THRAP3: variants seen among roughly 807,000 people sequenced by gnomAD.
THRAP3 encodes thyroid hormone receptor associated protein 3.
A neutral mutation model predicts 101.0 loss-of-function variants in THRAP3; 16 were observed. The observed-to-expected ratio is 0.16, with a 90% CI of 0.11 to 0.24. The LOEUF (loss-of-function observed/expected upper bound fraction) is 0.24, where lower values mean the gene tolerates loss of function less well. Among genes scored for constraint, THRAP3 ranks in the 10% least tolerant of loss-of-function variants. The pLI, the probability that THRAP3 is intolerant of heterozygous loss-of-function variation, is 1.00. For missense variants in THRAP3, 989 were observed against 1,202.7 expected, an observed-to-expected ratio of 0.82 and a Z score of 2.63; for synonymous variants, 407 against 422.6, an observed-to-expected ratio of 0.96 and a Z score of 0.45.
At chr1:36,282,233 CT>C (rs1645741484) in intron 2 of THRAP3, among the ~76,000 whole-genome samples, 1 of 113,816 alleles carries the variant, frequency 8.8e-6, no homozygotes, top group Non-Finnish European at 2.2e-5. Flanking sequence ...GCCACTTTCT[CT>C]CTTTTTTTTT....
At chr1:36,275,982 G>T (rs1165219348) in intron 2 of THRAP3, among the ~76,000 whole-genome samples, 1 of 152,136 alleles carries the variant, frequency 6.6e-6, no homozygotes, top group Non-Finnish European at 1.5e-5. Flanking sequence ...TTGCACTACT[G>T]CATTCCAACC....
intron 1 of THRAP3, among the ~76,000 whole-genome samples, chr1:36,253,347 G>C (rs1358028055): frequency 6.6e-6 from 1 of 152,118 alleles, no homozygotes; most frequent in Non-Finnish European, 1.5e-5. Flanking sequence ...CAGTTAGACA[G>C]ATTTTGAAAT....
rs1448829259 is a variant in THRAP3, at chr1:36,274,556, GAGAC to G, written c.-31-7970_-31-7967del. ...TAAGACTGTGGTGTTGACATAAGGA[GAGAC>G]AGACAGGTCAGTAGAATAAAATTGA... On this transcript the variant is annotated intron_variant, in intron 2 of 11. Transcript: ENST00000354618. Among the ~76,000 whole-genome samples, 5 of 150,900 alleles carry G rather than the reference GAGAC, an allele frequency of 3.3e-5. No individual in the cohort carries two copies. The East Asian group carries it at 9.7e-4, about 29-fold the overall frequency.
At chr1:36,229,007 G>A (rs1305719566) in intron 1 of THRAP3, among the ~76,000 whole-genome samples, 1 of 152,086 alleles carries the variant, frequency 6.6e-6, no homozygotes, top group East Asian at 1.9e-4. Context: ...CTCTAAGGAA[G>A]AAAAAGGTAA....
intron 1 of THRAP3, among the ~76,000 whole-genome samples, chr1:36,252,294 T>TG (rs1160264044): frequency 1.3e-5 from 2 of 152,098 alleles, no homozygotes; most frequent in Non-Finnish European, 2.9e-5. Flanking sequence ...CCCCGCTAAT[T>TG]GTGTGCTTTT....
intron 2 of THRAP3, 132 bp from the exon 3 acceptor site, chr1:36,282,396 ATTTTT>A: frequency 2.0e-6 from 1 of 500,248 alleles, no homozygotes; most frequent in South Asian, 3.1e-5. Context: ...TTAAAAAAAA[ATTTTT>A]TTTTTTTTTT....
At chr1:36,266,615 A>G (rs1487130454) in intron 2 of THRAP3, among the ~76,000 whole-genome samples, 1 of 152,194 alleles carries the variant, frequency 6.6e-6, no homozygotes, top group African/African-American at 2.4e-5. Context: ...TCTGATGGAA[A>G]GAAGCCAGCA....
At chr1:36,219,842 C>T (rs1233175167), upstream of THRAP3, among the ~76,000 whole-genome samples, 1 of 152,200 alleles carries the variant, frequency 6.6e-6, no homozygotes, top group African/African-American at 2.4e-5. Context: ...CTTCAAAAGA[C>T]AGACTGATTC....
At chr1:36,250,690 T>G (rs1645289890) in intron 1 of THRAP3, among the ~76,000 whole-genome samples, 1 of 150,612 alleles carries the variant, frequency 6.6e-6, no homozygotes, top group African/African-American at 2.4e-5. Context: ...AGCGGGCGGA[T>G]CACTTGAGGG....
the THRAP3 span, among the ~76,000 whole-genome samples, chr1:36,216,239 G>C: frequency 1.3e-5 from 2 of 151,860 alleles, no homozygotes; most frequent in African/African-American, 4.8e-5. Context: ...GAAAAAAACA[G>C]CTGGGCGCTG....
the THRAP3 span, among the ~76,000 whole-genome samples, chr1:36,210,248 C>A: frequency 7.2e-4 from 109 of 151,722 alleles, no homozygotes; most frequent in African/African-American, 2.6e-3. Context: ...CACCTGTAGT[C>A]CCAGCTGCTC....
At chr1:36,262,959 A>ATT (rs55662646) in intron 2 of THRAP3, among the ~76,000 whole-genome samples, 10,142 of 104,256 alleles carry the variant, frequency 0.097, 688 homozygotes, top group Middle Eastern at 0.19. Flanking sequence ...GGGCCGGCTA[A>ATT]TTTTTTTTTT....
Position 36,293,790 on chromosome 1 carries a change from A to G in THRAP3, c.2031-61A>G, listed in dbSNP as rs148521204. On this transcript the variant is annotated intron_variant, in intron 7 of 11. Transcript: ENST00000354618. ...TCTATTAGCCAACTTAAGAGCTAGAATATTACCAGTATCATATTCACACAA... is the reference window on the plus strand; with the variant it reads ...TCTATTAGCCAACTTAAGAGCTAGAGTATTACCAGTATCATATTCACACAA... The G allele has an allele frequency of 1.6e-4, 226 of 1,412,920 alleles. 7 individuals carry two copies. The South Asian group carries it at 2.2e-3, about 14-fold the overall frequency. The allele number at this position is 1,412,920 out of a possible 1,614,324, so 87.5% of individuals were successfully genotyped here. A position where few individuals can be genotyped will look rare whatever the true frequency, so the allele number is the denominator to read the frequency against.
chr1:36,271,150 C>A (rs1645585673), intron 2 of THRAP3, among the ~76,000 whole-genome samples: 1 of 152,084 alleles, frequency 6.6e-6, no homozygotes, highest in South Asian at 2.1e-4. Context: ...ATAGATATGT[C>A]TTATATGTAT....
chr1:36,255,072 A>G (rs930797148), intron 1 of THRAP3, among the ~76,000 whole-genome samples: 5 of 152,128 alleles, frequency 3.3e-5, no homozygotes, highest in Non-Finnish European at 7.3e-5. Context: ...CTAAGCTGTC[A>G]TCTTATGCTT....
intron 1 of THRAP3, among the ~76,000 whole-genome samples, chr1:36,226,739 CTGTT>C (rs1644966502): frequency 6.6e-6 from 1 of 152,082 alleles, no homozygotes. Flanking sequence ...GATCTGTTCA[CTGTT>C]TGACTCTGGT....
intron 2 of THRAP3, among the ~76,000 whole-genome samples, chr1:36,267,081 A>C (rs1475302128): frequency 6.6e-6 from 1 of 152,000 alleles, no homozygotes; most frequent in Non-Finnish European, 1.5e-5. Context: ...ACGGGGTTTC[A>C]TCATATTGGT....
chr1:36,220,966 A>T (rs1437208219), upstream of THRAP3, among the ~76,000 whole-genome samples: 26 of 134,164 alleles, frequency 1.9e-4, no homozygotes, highest in African/African-American at 7.7e-4. Flanking sequence ...AAAAAAAAAA[A>T]AAAAAAATAT....
intron 2 of THRAP3, among the ~76,000 whole-genome samples, chr1:36,281,278 C>T (rs1645728113): frequency 6.6e-6 from 1 of 152,198 alleles, no homozygotes; most frequent in African/African-American, 2.4e-5. Flanking sequence ...TACTCTGTAA[C>T]TAAGTTAAAT....
Sources: gnomAD v4.1 joint callset for allele counts (sites outside exome capture counted in the v4.1 genomes callset) on GRCh38, gnomAD v4.1.1 for gene constraint, MANE v1.5 for transcripts, NCBI Gene and HGNC (gene_info 2026-07-23, HGNC 2026-07-21) for gene names.